Variants in AP2A1 observed in about 807,000 individuals in gnomAD.
AP2A1 encodes AP-2 complex subunit alpha-1.
Under a neutral mutation model 107.3 loss-of-function variants are expected in AP2A1, and 21 were observed. The observed-to-expected ratio is 0.20, with a 90% CI of 0.14 to 0.28. The LOEUF (loss-of-function observed/expected upper bound fraction) is 0.28. Among genes scored for constraint, AP2A1 ranks in the 10% least tolerant of loss-of-function variants. AP2A1 has a pLI of 1.00. For missense variants in AP2A1, 873 were observed against 1,307.7 expected (o/e 0.67, Z 5.13); for synonymous variants, 602 against 564.8 (o/e 1.07, Z -0.93).
chr19:49,802,468 C>A, intron 15 of AP2A1: 1 of 1,503,656 alleles, frequency 6.7e-7, no homozygotes, highest in South Asian at 1.2e-5. Context: ...CCTCTCGCTG[C>A]CTATGTGGAA....
At chr19:49,784,149 C>T (rs758901408) in intron 4 of AP2A1, among the ~76,000 whole-genome samples, 7 of 152,214 alleles carry the variant, frequency 4.6e-5, no homozygotes, top group Non-Finnish European at 5.9e-5. Context: ...AACAGAAGGC[C>T]GGGCGTGGTG....
intron 18 of AP2A1, chr19:49,803,585 C>T: frequency 3.4e-6 from 2 of 589,148 alleles, no homozygotes; most frequent in Non-Finnish European, 6.1e-6. Flanking sequence ...GTGTGGGAGG[C>T]TTTACTTCCA....
In AP2A1 at chr19:49,801,884, A is replaced by G. The variant is rs2073285482; in HGVS notation, c.1948A>G (p.Thr650Ala). Reference sequence around the variant, plus strand: ...CGGGGGCATGGAGCCCACCCCCAGCACTGTGGTGAGTCCCCTGGGGTGGGC... The same window carrying G: ...CGGGGGCATGGAGCCCACCCCCAGCGCTGTGGTGAGTCCCCTGGGGTGGGC... ...INGGMEPTPSTVSTPSPSADL... is the reference protein window; with the variant it reads ...INGGMEPTPSAVSTPSPSADL... The change falls in exon 14 of 23, where the codon ACT (threonine) becomes GCT (alanine). Residue 650 changes from threonine (T) to alanine (A), a missense_variant. Physicochemically the swap from Thr to Ala is moderately conservative, Grantham distance 58 (BLOSUM62 0). Around this residue, in one of 4 missense-constraint regions of AP2A1, gnomAD observed 416 missense variants for 473.4 expected, o/e 0.88. Coordinates refer to ENST00000354293, the MANE Select transcript of AP2A1 (RefSeq NM_130787.3). The G allele has an allele frequency of 2.0e-6, 3 of 1,485,492 alleles. No individual in the cohort carries two copies. The highest frequency in any genetic ancestry group is 1.8e-6 in the Non-Finnish European group (2 of 1,121,874). The allele number at this position is 1,485,492 out of a possible 1,614,324, so 92.0% of individuals were successfully genotyped here. A position where few individuals can be genotyped will look rare whatever the true frequency, so the allele number is the denominator to read the frequency against.
At chr19:49,800,229 C>T in intron 11 of AP2A1, 79 bp downstream of exon 11, 1 of 1,472,966 alleles carries the variant, frequency 6.8e-7, no homozygotes, top group Non-Finnish European at 9.2e-7. Flanking sequence ...GCCGTGGCGC[C>T]TGCCAGCCCG....
In AP2A1 at chr19:49,806,872, G is replaced by A. The variant is rs780596978; in HGVS notation, c.*114G>A. The A allele has an allele frequency of 6.4e-7, 1 of 1,567,136 alleles. No homozygotes were observed. The highest frequency in any genetic ancestry group is 8.6e-7 in the Non-Finnish European group (1 of 1,160,604). On this transcript the variant is annotated 3_prime_UTR_variant, in exon 23 of 23. Coordinates refer to ENST00000354293, the MANE Select transcript of AP2A1 (RefSeq NM_130787.3). ...GACAGAGAAGACACCAGGGTTTGGGGGATGCCTGGGACTTTCCTCCGGCCT... is the reference window on the plus strand; with the variant it reads ...GACAGAGAAGACACCAGGGTTTGGGAGATGCCTGGGACTTTCCTCCGGCCT...
chr19:49,791,030 T>C (rs2073135117), intron 4 of AP2A1, among the ~76,000 whole-genome samples: 1 of 152,190 alleles, frequency 6.6e-6, no homozygotes, highest in Admixed American at 6.5e-5. Flanking sequence ...TGGCTCTCTG[T>C]TCCCTCCCTG....
intron 15 of AP2A1, chr19:49,802,633 G>T (rs767177575): frequency 1.3e-6 from 2 of 1,521,686 alleles, no homozygotes; most frequent in Non-Finnish European, 8.8e-7. Context: ...GGTCGGTCGG[G>T]GGGGCGGACT....
intron 11 of AP2A1, among the ~76,000 whole-genome samples, chr19:49,800,478 G>T (rs1398639826): frequency 2.6e-5 from 4 of 151,860 alleles, no homozygotes; most frequent in African/African-American, 9.7e-5. Context: ...TGTTTCTGGA[G>T]ACGGAGTCTC....
In AP2A1 at chr19:49,793,627, C is replaced by CTG. The variant is rs561856464; in HGVS notation, c.705+536_705+537dup. Among the ~76,000 whole-genome samples, 24 of 152,262 alleles carry CTG rather than the reference C, an allele frequency of 1.6e-4. No individual in the cohort carries two copies. In the South Asian group the frequency reaches 5.0e-3, roughly 32 times the overall value. The stretch of plus-strand genomic sequence containing the variant: ...GACACAGATGAGTCAGAACCAAGCT[C>CTG]TGCTCTTAAGGAGCTCCCTGTCCTT... On this transcript the variant is annotated intron_variant, in intron 6 of 22. Coordinates refer to ENST00000354293, the MANE Select transcript of AP2A1 (RefSeq NM_130787.3).
In AP2A1 at chr19:49,788,760, C is replaced by T. The variant is rs930715924; in HGVS notation, c.474-3175C>T. 1.3e-5 allele frequency among the ~76,000 whole-genome samples: 2 copies of T among 152,166 alleles called. No homozygotes were observed. Among genetic ancestry groups the T allele is most frequent in the Non-Finnish European group, 2.9e-5 (2 of 68,026 alleles). On this transcript the variant is annotated intron_variant, in intron 4 of 22. Coordinates refer to ENST00000354293, the MANE Select transcript of AP2A1 (RefSeq NM_130787.3). This position sits in a 1 kb window ranked among gnomAD's most constrained non-coding sequence, Gnocchi z 4.5. ...CTGGAGTCAGGGCTCGGGAGATGTGCGCTGTGACGGAGGTGGGAAAGTGCC... is the reference window on the plus strand; with the variant it reads ...CTGGAGTCAGGGCTCGGGAGATGTGTGCTGTGACGGAGGTGGGAAAGTGCC...
At chr19:49,800,178 A>T in intron 11 of AP2A1, 28 bp downstream of exon 11, 1 of 1,580,938 alleles carries the variant, frequency 6.3e-7, no homozygotes, top group East Asian at 2.3e-5. Flanking sequence ...TGACCCTATG[A>T]CCCCACGACA....
At chr19:49,806,621 GTCCCGACT>G in intron 22 of AP2A1, 52 bp from the exon 23 acceptor site, 1 of 1,607,772 alleles carries the variant, frequency 6.2e-7, no homozygotes, top group Non-Finnish European at 8.5e-7. Flanking sequence ...TCTCCCTTGG[GTCCCGACT>G]TCCCTGGGCT....
intron 4 of AP2A1, among the ~76,000 whole-genome samples, chr19:49,786,354 A>T (rs2084736545): frequency 6.6e-6 from 1 of 152,228 alleles, no homozygotes; most frequent in Non-Finnish European, 1.5e-5. Flanking sequence ...ATTATTCACG[A>T]GCTATTTTAT....
intron 6 of AP2A1, among the ~76,000 whole-genome samples, chr19:49,795,279 G>A (rs756650936): frequency 2.6e-5 from 4 of 152,174 alleles, no homozygotes; most frequent in African/African-American, 9.7e-5. Context: ...TCAACCAGCC[G>A]GGCTTAGTCC....
rs183427502 is a variant in AP2A1 at position 49,778,265 on chromosome 19, G to A, written c.68-3492G>A. On this transcript the variant is annotated intron_variant, in intron 1 of 22. Coordinates refer to ENST00000354293, the MANE Select transcript of AP2A1 (RefSeq NM_130787.3). ...CCACCACTCACTGAGGCTCTGTGGC[G>A]CAGCTTGTTGCTGCTGGGCTGTAAA... is the stretch of plus-strand genomic sequence containing the variant. Among the ~76,000 whole-genome samples the A allele has an allele frequency of 1.8e-4, 27 of 152,250 alleles. No individual in the cohort carries two copies. In the East Asian group the frequency reaches 5.2e-3, roughly 29 times the overall value.
In AP2A1 at chr19:49,803,389, G is replaced by A; in HGVS notation, c.2344+13G>A. On this transcript the variant is annotated intron_variant, in intron 18 of 22. Transcript: ENST00000354293. ...GACCTCCAGACTCATATCCTCTCAG[G>A]CCCGGCCCAGCCTCCTGCCTCTCCA... is the stretch of plus-strand genomic sequence containing the variant. The A allele has an allele frequency of 1.2e-6, 2 of 1,609,110 alleles. No individual in the cohort carries two copies. The highest frequency in any genetic ancestry group is 1.7e-6 in the Non-Finnish European group (2 of 1,175,736).
In AP2A1 at chr19:49,806,187, G is replaced by A. The variant is rs746741199; in HGVS notation, c.2724G>A (p.Gly908=). 6.3e-7 allele frequency: 1 copy of A among 1,597,986 alleles called. No individual in the cohort carries two copies. Among genetic ancestry groups the A allele is most frequent in the South Asian group, 1.1e-5 (1 of 88,376 alleles). ...ACCCTGAGAACTTCGTGGGGGCGGG[G>A]ATCATCCAGACTAAAGCCCTGCAGG... ...DPNPENFVGA[G]IIQTKALQVG... is the part of the protein sequence containing the mutation. Residue 908 remains glycine, a synonymous_variant, in exon 22 of 23, where the codon GGG becomes GGA. Coordinates refer to ENST00000354293, the MANE Select transcript of AP2A1 (RefSeq NM_130787.3).
chr19:49,805,431 T>TAA lies in AP2A1; in HGVS notation c.2345-22_2345-21insAA, dbSNP rs1177909671. On this transcript the variant is annotated intron_variant, in intron 18 of 22. Transcript: ENST00000354293. Reference sequence around the variant, plus strand: ...CGGGGGCCCACCTCCTCTGTCTGGCTTCCTTGACTCCTGGCGGGCACAGCT... The same window carrying TAA: ...CGGGGGCCCACCTCCTCTGTCTGGCTAATCCTTGACTCCTGGCGGGCACAGCT... 44 of 1,522,682 alleles carry TAA rather than the reference T, an allele frequency of 2.9e-5. No individual in the cohort carries two copies. In the Admixed American group the frequency reaches 9.1e-4, roughly 32 times the overall value. 94.3% of individuals were successfully genotyped at this position (1,522,682 alleles called of 1,614,324 possible).
rs1568588975 is a variant in AP2A1 at position 49,803,278 on chromosome 19, C to T, written c.2255-9C>T. ...TCAGATGGAGCTCTGCCTCCCCCAC[C>T]TACTGCAGGCCGCATGTATCTCTTC... On this transcript the variant is annotated splice_polypyrimidine_tract_variant and intron_variant, in intron 17 of 22. Transcript: ENST00000354293. 1 of 1,613,804 alleles carries T rather than the reference C, an allele frequency of 6.2e-7. No individual in the cohort carries two copies. The highest frequency in any genetic ancestry group is 1.7e-5 in the Admixed American group (1 of 60,016).
Sources: allele counts gnomAD v4.1 joint callset (sites outside exome capture counted in the v4.1 genomes callset), GRCh38; gene constraint gnomAD v4.1.1; regional missense constraint gnomAD v4.1.1; non-coding constraint Gnocchi (gnomAD v3.1); transcripts MANE v1.5; gene names NCBI Gene and HGNC (gene_info 2026-07-23, HGNC 2026-07-21).